The following FAM107A variants were observed in gnomAD, a reference collection of about 807,000 sequenced individuals.
The protein encoded by FAM107A is actin-associated protein FAM107A.
A neutral mutation model predicts 13.7 loss-of-function variants in FAM107A; 19 were observed. The ratio of observed to expected loss-of-function variants is 1.38; its 90% CI spans 0.97 to 2.03. FAM107A has a LOEUF of 2.03. Ranked by LOEUF, FAM107A falls within the 30% of genes most tolerant of loss-of-function variation. The pLI is 0.00. For missense variants in FAM107A, 203 were observed against 184.4 expected (o/e 1.10, Z -0.58); for synonymous variants, 82 against 74.5 (o/e 1.10, Z -0.52).
intron 1 of FAM107A, among the ~76,000 whole-genome samples, chr3:58,583,674 TTTTTC>T (rs2065572298): frequency 6.6e-6 from 1 of 152,008 alleles, no homozygotes; most frequent in Non-Finnish European, 1.5e-5. Flanking sequence ...TTTCTTTTTC[TTTTTC>T]TTTTCTTTTT....
chr3:58,616,580 C>CCAT (rs111914818), intron 1 of FAM107A, among the ~76,000 whole-genome samples: 6 of 145,516 alleles, frequency 4.1e-5, no homozygotes, highest in African/African-American at 1.5e-4. Context: ...ACCACTACCA[C>CCAT]CACCACCACC....
chr3:58,593,769 C>T (rs950226042), intron 1 of FAM107A, among the ~76,000 whole-genome samples: 6 of 152,110 alleles, frequency 3.9e-5, no homozygotes, highest in Non-Finnish European at 7.4e-5. Flanking sequence ...CAGCCGTCCG[C>T]GCCCTACAGG....
chr3:58,566,759 T>C, intron 3 of FAM107A, 64 bp from the exon 4 acceptor site: 2 of 1,370,204 alleles, frequency 1.5e-6, no homozygotes, highest in Non-Finnish European at 2.1e-6. Context: ...TCTGAAAACC[T>C]GTGGAGTTTG....
At chr3:58,598,868 G>A (rs1437132771) in intron 1 of FAM107A, among the ~76,000 whole-genome samples, 1 of 152,094 alleles carries the variant, frequency 6.6e-6, no homozygotes, top group Non-Finnish European at 1.5e-5. Flanking sequence ...GTAAACCACA[G>A]TGTGATGCCC....
chr3:58,584,700 C>T (rs1021179625), intron 1 of FAM107A, among the ~76,000 whole-genome samples: 3 of 152,174 alleles, frequency 2.0e-5, no homozygotes, highest in African/African-American at 4.8e-5. Flanking sequence ...GGAGACACTT[C>T]GGCGATGACA....
At chr3:58,602,927 G>C (rs751386609) in intron 1 of FAM107A, among the ~76,000 whole-genome samples, 27 of 152,148 alleles carry the variant, frequency 1.8e-4, no homozygotes, top group African/African-American at 4.8e-5. Context: ...TCCATACATA[G>C]GTATGTTATG....
intron 2 of FAM107A, among the ~76,000 whole-genome samples, chr3:58,568,173 G>A (rs1219234203): frequency 6.6e-6 from 1 of 151,680 alleles, no homozygotes; most frequent in African/African-American, 2.4e-5. Context: ...AGTGGCTCAC[G>A]CCTGTAATCC....
At chr3:58,612,008 G>C (rs2065859387) in intron 1 of FAM107A, among the ~76,000 whole-genome samples, 1 of 151,550 alleles carries the variant, frequency 6.6e-6, no homozygotes, top group Non-Finnish European at 1.5e-5. Context: ...TCTTAACTCT[G>C]GGAAACCAGC....
chr3:58,595,193 C>T (rs9815286), intron 1 of FAM107A, among the ~76,000 whole-genome samples: 4,861 of 152,074 alleles, frequency 0.032, 280 homozygotes, highest in African/African-American at 0.11. Context: ...TCCATACCAC[C>T]CCCAAAAATT....
At chr3:58,582,448 C>T (rs2065558738), upstream of FAM107A, among the ~76,000 whole-genome samples, 2 of 131,704 alleles carry the variant, frequency 1.5e-5, no homozygotes, top group South Asian at 2.8e-4. Context: ...AGGAACATGA[C>T]CTGAGCTCCA....
chr3:58,589,189 T>C (rs1482294013), upstream of FAM107A: 6 of 1,509,730 alleles, frequency 4.0e-6, no homozygotes, highest in Admixed American at 2.0e-5. Flanking sequence ...CCAGGAATTC[T>C]AGCGGGTCTG....
At chr3:58,567,045 C>CA in intron 3 of FAM107A, 163 bp downstream of exon 3, 1 of 857,438 alleles carries the variant, frequency 1.2e-6, no homozygotes, top group African/African-American at 1.7e-5. Flanking sequence ...AAGGACCTAG[C>CA]AAAGTGAATG....
intron 2 of FAM107A, among the ~76,000 whole-genome samples, chr3:58,568,232 A>G (rs2063643334): frequency 6.6e-6 from 1 of 152,268 alleles, no homozygotes; most frequent in Admixed American, 6.5e-5. Context: ...CAGGAGACCG[A>G]GACCATCCTG....
chr3:58,593,859 C>A (rs1055337574), intron 1 of FAM107A, among the ~76,000 whole-genome samples: 1 of 152,166 alleles, frequency 6.6e-6, no homozygotes, highest in Admixed American at 6.5e-5. Flanking sequence ...TGAGGAACTT[C>A]TTTACTTTCT....
At chr3:58,591,225 G>T (rs948374400), upstream of FAM107A, among the ~76,000 whole-genome samples, 1 of 152,140 alleles carries the variant, frequency 6.6e-6, no homozygotes, top group South Asian at 2.1e-4. The surrounding 1 kb of genome is among the most constrained non-coding windows in gnomAD (Gnocchi z 4.3). Context: ...AGGGAAAGGG[G>T]GTGGCTGGTG....
chr3:58,582,351 G>C (rs767529648), upstream of FAM107A, among the ~76,000 whole-genome samples: 1 of 152,316 alleles, frequency 6.6e-6, no homozygotes, highest in Middle Eastern at 3.4e-3. Context: ...CTCTGGCTGC[G>C]GAGAAGAAGT....
At chr3:58,586,854 T>G (rs2065611316) in intron 1 of FAM107A, 2 of 1,528,476 alleles carry the variant, frequency 1.3e-6, no homozygotes, top group Non-Finnish European at 1.7e-6. Flanking sequence ...TTGCTCCCAC[T>G]TACCCGACCG....
At chr3:58,566,986 G>A (rs932219310) in intron 3 of FAM107A, 8 of 621,576 alleles carry the variant, frequency 1.3e-5, no homozygotes, top group African/African-American at 1.3e-4. Context: ...TCAGCATGCA[G>A]TACACTGGGC....
At chr3:58,627,015 C>A (rs974190425) in intron 1 of FAM107A, 1 of 1,536,016 alleles carries the variant, frequency 6.5e-7, no homozygotes, top group Non-Finnish European at 8.7e-7. Flanking sequence ...GGGCACCAGG[C>A]CTGGGTGGGC....
Sources: gnomAD v4.1 joint callset for allele counts (sites outside exome capture counted in the v4.1 genomes callset) on GRCh38, gnomAD v4.1.1 for gene constraint, Gnocchi (gnomAD v3.1) non-coding constraint, MANE v1.5 for transcripts, NCBI Gene and HGNC (gene_info 2026-07-23, HGNC 2026-07-21) for gene names.